CCT8: variants seen among roughly 807,000 people sequenced by gnomAD.
The protein encoded by CCT8 is chaperonin containing TCP1 subunit 8.
A neutral mutation model predicts 65.7 loss-of-function variants in CCT8; 10 were observed. The ratio of observed to expected loss-of-function variants is 0.15; its 90% CI spans 0.09 to 0.26. The LOEUF (loss-of-function observed/expected upper bound fraction) is 0.26. CCT8 is among the 10% of genes least tolerant of loss of function. CCT8 has a pLI of 1.00. For missense variants in CCT8, 568 were observed against 669.1 expected, an observed-to-expected ratio of 0.85 and a Z score of 1.67; for synonymous variants, 199 against 221.8, an observed-to-expected ratio of 0.90 and a Z score of 0.92.
In CCT8 at chr21:29,056,465, T is replaced by G. The variant is rs1568906654; in HGVS notation, c.*10A>C. The G allele has an allele frequency of 6.8e-7, 1 of 1,480,994 alleles. No homozygotes were observed. Among genetic ancestry groups the G allele is most frequent in the Admixed American group, 2.3e-5 (1 of 44,318 alleles). The allele number at this position is 1,480,994 out of a possible 1,614,324, so 91.7% of individuals were successfully genotyped here. A position where few individuals can be genotyped will look rare whatever the true frequency, so the allele number is the denominator to read the frequency against. On this transcript the variant is annotated 3_prime_UTR_variant, in exon 15 of 15. Transcript: ENST00000286788. ...TACAGCCTTCACCTACAGTAAAAAT[T>G]AAGCCAATTTCAATCATTTTGGTCA...
intron 8 of CCT8, 144 bp from the exon 9 acceptor site, chr21:29,062,700 C>T (rs2085577735): frequency 3.0e-6 from 2 of 670,620 alleles, no homozygotes; most frequent in African/African-American, 1.8e-5. Context: ...GTCTGGATTG[C>T]AATGAACACT....
At chr21:29,061,187 T>C in intron 13 of CCT8, 66 bp downstream of exon 13, 2 of 1,236,782 alleles carry the variant, frequency 1.6e-6, no homozygotes, top group East Asian at 4.7e-5. Context: ...TCTTTTAAAC[T>C]CATACTATTT....
At position 29,073,586 on chromosome 21, in the gene CCT8, G is replaced by C; in HGVS notation, c.5C>G (p.Ala2Gly). 1 of 1,614,050 alleles carries C rather than the reference G, an allele frequency of 6.2e-7. No homozygotes were observed. Among genetic ancestry groups the C allele is most frequent in the Non-Finnish European group, 8.5e-7 (1 of 1,179,996 alleles). The change falls in exon 1 of 15, where the codon GCG becomes GGG. Residue 2 changes from alanine to glycine, a missense_variant. By Grantham distance (60) the Ala-to-Gly change is moderately conservative. Coordinates refer to ENST00000286788, the MANE Select transcript of CCT8 (RefSeq NM_006585.4). ...GCCCGGAGCCTTGGGAACGTGAAGC[G>C]CCATGGCCAGCCTGCAGGAAGCAGT... is the stretch of plus-strand genomic sequence containing the variant. M[A>G]LHVPKAPGFA...
chr21:29,066,670 A>T, intron 6 of CCT8, 46 bp downstream of exon 6: 1 of 1,302,582 alleles, frequency 7.7e-7, no homozygotes, highest in South Asian at 1.4e-5. Flanking sequence ...AAAAGCACAC[A>T]AAAAAACTGA....
intron 13 of CCT8, 143 bp from the exon 14 acceptor site, chr21:29,060,803 T>C (rs2085554753): frequency 1.1e-6 from 1 of 871,162 alleles, no homozygotes; most frequent in Non-Finnish European, 1.8e-6. Flanking sequence ...TCCTTTAGTA[T>C]GTGAGGATTG....
intron 14 of CCT8, among the ~76,000 whole-genome samples, chr21:29,058,936 T>TG (rs2085533662): frequency 6.6e-6 from 1 of 152,140 alleles, no homozygotes; most frequent in African/African-American, 2.4e-5. Context: ...TTTTAAAAGA[T>TG]GGAGTGTCAC....
At position 29,067,046 on chromosome 21, in the gene CCT8, C is replaced by A; in HGVS notation, c.407G>T (p.Cys136Phe). 1 of 1,611,302 alleles carries A rather than the reference C, an allele frequency of 6.2e-7. No individual in the cohort carries two copies. Among genetic ancestry groups the A allele is most frequent in the East Asian group, 2.2e-5 (1 of 44,800 alleles). The change falls in exon 5 of 15, where the codon TGC becomes TTC. Residue 136 changes from cysteine to phenylalanine, a missense_variant. Physicochemically the swap from Cys to Phe is radical, Grantham distance 205. Transcript: ENST00000286788. The part of the protein sequence containing the change: ...SEVIEGYEIA[C>F]RKAHEILPNL... ...AGGAAGAATCTCATGAGCTTTTCTG[C>A]AGGCTATTTCATAACCTTCTATGAC...
chr21:29,060,774 G>GAGGAC, intron 13 of CCT8, 114 bp from the exon 14 acceptor site: 4 of 1,119,040 alleles, frequency 3.6e-6, no homozygotes, highest in Non-Finnish European at 5.2e-6. Flanking sequence ...ACCAAGCACA[G>GAGGAC]TCCTACCTTA....
At chr21:29,061,155 A>G in intron 13 of CCT8, 98 bp downstream of exon 13, 1 of 980,096 alleles carries the variant, frequency 1.0e-6, no homozygotes, top group Non-Finnish European at 1.5e-6. Flanking sequence ...CCCAAATCAG[A>G]ACACTGTTTC....
At chr21:29,069,862 G>T (rs954515805) in intron 2 of CCT8, among the ~76,000 whole-genome samples, 1 of 152,156 alleles carries the variant, frequency 6.6e-6, no homozygotes, top group Non-Finnish European at 1.5e-5. Flanking sequence ...ATATTTAGTT[G>T]TATGTTTATT....
intron 14 of CCT8, chr21:29,059,836 C>T (rs1302235539): frequency 6.6e-6 from 1 of 152,144 alleles, no homozygotes; most frequent in Non-Finnish European, 1.5e-5. Flanking sequence ...AAATGTCTTT[C>T]CACTGATTTC....
chr21:29,057,716 A>T (rs1365775353), intron 14 of CCT8, among the ~76,000 whole-genome samples: 1 of 85,358 alleles, frequency 1.2e-5, no homozygotes, highest in African/African-American at 3.1e-5. Context: ...TATAATATAT[A>T]TCATACATAT....
intron 6 of CCT8, 23 bp from the exon 7 acceptor site, chr21:29,065,128 C>T (rs1351507788): frequency 6.2e-7 from 1 of 1,609,002 alleles, no homozygotes; most frequent in Non-Finnish European, 8.5e-7. Flanking sequence ...ATACCAAACT[C>T]ATCAGCAATC....
chr21:29,063,638 A>G lies in CCT8; in HGVS notation c.763-108T>C, dbSNP rs990331476. On this transcript the variant is annotated intron_variant, in intron 7 of 14. Transcript: ENST00000286788. The stretch of plus-strand genomic sequence containing the variant: ...AATAAAGGTTTGGCAAAAAAATATG[A>G]AGATATATGTGCATATATTATGAAG... 5 of 984,032 alleles carry G rather than the reference A, an allele frequency of 5.1e-6. No homozygotes were observed. The African/African-American group carries it at 8.1e-5, about 16-fold the overall frequency. The allele number at this position is 984,032 out of a possible 1,614,324, so 61.0% of individuals were successfully genotyped here. A position where few individuals can be genotyped will look rare whatever the true frequency, so the allele number is the denominator to read the frequency against.
chr21:29,067,149 T>G, intron 4 of CCT8, 78 bp from the exon 5 acceptor site: 1 of 930,004 alleles, frequency 1.1e-6, no homozygotes, highest in Non-Finnish European at 1.6e-6. Flanking sequence ...TATGGATGTT[T>G]ATTTTTGATA....
At chr21:29,061,168 A>G in intron 13 of CCT8, 85 bp downstream of exon 13, 1 of 1,084,294 alleles carries the variant, frequency 9.2e-7, no homozygotes, top group South Asian at 1.4e-5. Flanking sequence ...ACTGTTTCTC[A>G]TTGATATTTC....
At chr21:29,072,507 G>T (rs992596698) in intron 1 of CCT8, among the ~76,000 whole-genome samples, 2 of 152,178 alleles carry the variant, frequency 1.3e-5, no homozygotes, top group Admixed American at 1.3e-4. Context: ...TTTTTTCAAG[G>T]GAATCAGCCC....
Position 29,067,182 on chromosome 21 carries a change from C to T in CCT8, c.382-111G>A, listed in dbSNP as rs755627717. 237 of 766,666 alleles carry T rather than the reference C, an allele frequency of 3.1e-4. 1 individual carries two copies. The highest frequency in any genetic ancestry group is 7.3e-4 in the Middle Eastern group (3 of 4,094). The allele number at this position is 766,666 out of a possible 1,614,324, so 47.5% of individuals were successfully genotyped here. On this transcript the variant is annotated intron_variant, in intron 4 of 14. Transcript: ENST00000286788. ...ATACAAAATGACAAAGAATATACTT[C>T]GGAATAAAACATATAGTAGACTCTA...
At position 29,061,584 on chromosome 21, in the gene CCT8, C is replaced by A. The variant is rs575020223; in HGVS notation, c.1213-17G>T. ...ACGTTTATCCTGTATGTAGCGCCCC[C>A]ACCAAAAAAAAAATGAACACAAAAC... On this transcript the variant is annotated splice_polypyrimidine_tract_variant and intron_variant, in intron 11 of 14. Coordinates refer to ENST00000286788, the MANE Select transcript of CCT8 (RefSeq NM_006585.4). 3 of 1,592,822 alleles carry A rather than the reference C, an allele frequency of 1.9e-6. No homozygotes were observed. Among genetic ancestry groups the A allele is most frequent in the South Asian group, 2.3e-5 (2 of 87,034 alleles).
Sources: allele counts gnomAD v4.1 joint callset (sites outside exome capture counted in the v4.1 genomes callset), GRCh38; gene constraint gnomAD v4.1.1; transcripts MANE v1.5; gene names NCBI Gene and HGNC (gene_info 2026-07-23, HGNC 2026-07-21).